ZNF430: variants seen among roughly 807,000 people sequenced by gnomAD.
The protein encoded by ZNF430 is zinc finger protein 430.
A neutral mutation model predicts 56.7 loss-of-function variants in ZNF430; 35 were observed. That is an observed-to-expected ratio of 0.62 (90% CI 0.47 to 0.82). The LOEUF (loss-of-function observed/expected upper bound fraction) is 0.82, where lower values mean the gene tolerates loss of function less well. Ranked by LOEUF, ZNF430 falls within the 40% of genes least tolerant of loss-of-function variation. ZNF430 has a pLI of 0.00. For synonymous variants in ZNF430, 212 were observed against 224.3 expected, an observed-to-expected ratio of 0.94 and a Z score of 0.49; for missense variants, 574 against 661.0, an observed-to-expected ratio of 0.87 and a Z score of 1.44.
At chr19:21,055,631 T>C (rs1335452800) in intron 4 of ZNF430, among the ~76,000 whole-genome samples, 2 of 152,096 alleles carry the variant, frequency 1.3e-5, no homozygotes, top group Non-Finnish European at 2.9e-5. Context: ...CTTTTGTTTT[T>C]TTAGTAGAGA....
At chr19:21,043,215 A>G (rs1968137520) in intron 4 of ZNF430, among the ~76,000 whole-genome samples, 2 of 152,084 alleles carry the variant, frequency 1.3e-5, no homozygotes, top group Non-Finnish European at 2.9e-5. Flanking sequence ...CCTGAATGGT[A>G]TTGCCTAGAT....
In ZNF430 at chr19:21,057,689, G is replaced by C; in HGVS notation, c.1381G>C (p.Glu461Gln). The C allele has an allele frequency of 6.2e-7, 1 of 1,608,854 alleles. No homozygotes were observed. The highest frequency in any genetic ancestry group is 8.5e-7 in the Non-Finnish European group (1 of 1,177,904). The change falls in exon 5 of 5, where the codon GAA becomes CAA. Residue 461 changes from glutamate (E) to glutamine (Q), a missense_variant. Coordinates refer to ENST00000261560, the MANE Select transcript of ZNF430 (RefSeq NM_025189.4). ...HTGEKPYKCE[E>Q]CGKAFNRSPK... ...TGGAGAGAAACCCTACAAATGTGAA[G>C]AATGTGGCAAAGCCTTTAACCGGTC...
At chr19:21,054,126 C>A (rs1331242917) in intron 4 of ZNF430, among the ~76,000 whole-genome samples, 2 of 152,062 alleles carry the variant, frequency 1.3e-5, no homozygotes, top group African/African-American at 4.8e-5. Flanking sequence ...ATAATGATTT[C>A]TATGCTTTTA....
chr19:21,037,643 G>A (rs1447485928), intron 4 of ZNF430, among the ~76,000 whole-genome samples: 2 of 152,074 alleles, frequency 1.3e-5, no homozygotes, highest in Admixed American at 6.6e-5. Context: ...TTAATTACTT[G>A]AGAAACATTT....
At chr19:21,025,172 A>C (rs1967769273) in intron 2 of ZNF430, among the ~76,000 whole-genome samples, 1 of 152,238 alleles carries the variant, frequency 6.6e-6, no homozygotes, top group Non-Finnish European at 1.5e-5. Flanking sequence ...TAGGCAGAGC[A>C]GCCCTGAGGG....
At chr19:21,040,165 G>A (rs1214484790) in intron 4 of ZNF430, among the ~76,000 whole-genome samples, 2 of 152,150 alleles carry the variant, frequency 1.3e-5, no homozygotes, top group Non-Finnish European at 2.9e-5. Flanking sequence ...CTTGTTATGT[G>A]TCCTAACAGA....
In ZNF430 at chr19:21,058,508, G is replaced by T; in HGVS notation, c.*487G>T. ...CTCTACAAACTTGAAAGATGTGACA[G>T]TGCTTTTGACAACACCTAAAACTTT... On this transcript the variant is annotated 3_prime_UTR_variant, in exon 5 of 5. Transcript: ENST00000261560. 1 of 161,442 alleles carries T rather than the reference G, an allele frequency of 6.2e-6. No individual in the cohort carries two copies. The allele number at this position is 161,442 out of a possible 1,614,324, so 10.0% of individuals were successfully genotyped here.
chr19:21,041,280 G>A (rs998220166), intron 4 of ZNF430, among the ~76,000 whole-genome samples: 2 of 151,964 alleles, frequency 1.3e-5, no homozygotes, highest in East Asian at 1.9e-4. Context: ...GTGTCGTCAC[G>A]CCCAGCTCAT....
chr19:21,028,922 G>C (rs7250059), intron 2 of ZNF430, among the ~76,000 whole-genome samples: 7,439 of 151,714 alleles, frequency 0.049, 584 homozygotes, highest in African/African-American at 0.17. Context: ...CTGACCTTGT[G>C]ATCCGCCCAC....
Position 21,057,776 on chromosome 19 carries a change from T to C in ZNF430, c.1468T>C (p.Cys490Arg). Residue 490 changes from cysteine (C) to arginine (R), a missense_variant, in exon 5 of 5, where the codon TGT becomes CGT. Around this residue, in one of 3 missense-constraint regions of ZNF430, gnomAD observed 213 missense variants for 221.0 expected, o/e 0.96. Coordinates refer to ENST00000261560, the MANE Select transcript of ZNF430 (RefSeq NM_025189.4). Reference protein sequence around the residue: ...SGEKPYKCEECGKAFNQFSNL... With the variant: ...SGEKPYKCEERGKAFNQFSNL... The stretch of plus-strand genomic sequence containing the variant: ...AGAGAAACCCTACAAATGTGAAGAA[T>C]GTGGCAAAGCTTTTAACCAATTCTC... The C allele has an allele frequency of 6.2e-7, 1 of 1,614,004 alleles. No homozygotes were observed. The highest frequency in any genetic ancestry group is 8.5e-7 in the Non-Finnish European group (1 of 1,180,008).
chr19:21,034,539 CTTTTT>C, intron 4 of ZNF430: 1 of 154,574 alleles, frequency 6.5e-6, no homozygotes, highest in Non-Finnish European at 1.4e-5. Flanking sequence ...TTTTTTCTTT[CTTTTT>C]TTTTTTTTTT....
At chr19:21,022,938 G>C (rs971958881) in intron 2 of ZNF430, 57 bp downstream of exon 2, 7 of 1,264,524 alleles carry the variant, frequency 5.5e-6, no homozygotes, top group Non-Finnish European at 4.6e-6. Flanking sequence ...ATTTCTTGGA[G>C]ACACATTGCT....
chr19:21,057,355 A>G lies in ZNF430; in HGVS notation c.1047A>G (p.Glu349=), dbSNP rs1406013093. The G allele has an allele frequency of 6.8e-6, 11 of 1,613,424 alleles. No homozygotes were observed. The highest frequency in any genetic ancestry group is 9.3e-6 in the Non-Finnish European group (11 of 1,179,984). ...HTGEKPYKCE[E]CGKAFNQSST... is the part of the protein sequence containing the mutation. ...GAGAGAAACCCTACAAATGTGAAGA[A>G]TGTGGCAAAGCTTTTAACCAATCCT... Residue 349 remains glutamate (E), a synonymous_variant, in exon 5 of 5, where the codon GAA becomes GAG. Transcript: ENST00000261560.
At position 21,022,772 on chromosome 19, in the gene ZNF430, G is replaced by A; in HGVS notation, c.4-17G>A. On this transcript the variant is annotated splice_polypyrimidine_tract_variant and intron_variant, in intron 1 of 4. Transcript: ENST00000261560. ...GTGTCTAGTGGATATCAGCTTCTGGGTTATTTTCTCCCATAGGAGAACCTG... is the reference window on the plus strand; with the variant it reads ...GTGTCTAGTGGATATCAGCTTCTGGATTATTTTCTCCCATAGGAGAACCTG... 6.4e-7 allele frequency: 1 copy of A among 1,560,522 alleles called. No individual in the cohort carries two copies. Among genetic ancestry groups the A allele is most frequent in the East Asian group, 2.2e-5 (1 of 44,624 alleles).
rs537635084 is a variant in ZNF430 at position 21,057,675 on chromosome 19, C to T, written c.1367C>T (p.Pro456Leu). The T allele has an allele frequency of 6.2e-7, 1 of 1,611,158 alleles. No homozygotes were observed. The highest frequency in any genetic ancestry group is 1.1e-5 in the South Asian group (1 of 90,478). Residue 456 changes from proline to leucine, a missense_variant, in exon 5 of 5, where the codon CCC becomes CTC. Pro to Leu is a moderately conservative substitution (Grantham distance 98). Transcript: ENST00000261560. ...AHKIIHTGEK[P>L]YKCEECGKAF... ...AAGATAATTCATACTGGAGAGAAAC[C>T]CTACAAATGTGAAGAATGTGGCAAA...
At position 21,057,253 on chromosome 19, in the gene ZNF430, A is replaced by C; in HGVS notation, c.945A>C (p.Lys315Asn). The change falls in exon 5 of 5, where the codon AAA becomes AAC. Residue 315 changes from lysine (K) to asparagine (N), a missense_variant. This residue lies in a region of ZNF430 where 346 missense variants were observed against 399.1 expected (regional missense o/e 0.87). Coordinates refer to ENST00000261560, the MANE Select transcript of ZNF430 (RefSeq NM_025189.4). The stretch of plus-strand genomic sequence containing the variant: ...ATAAAAGAATTCATACTGGAGAGAA[A>C]CCCTACAGATGTGAAGAATGTGGCA... ...TTHKRIHTGE[K>N]PYRCEECGRA... is the part of the protein sequence containing the mutation. 6.2e-7 allele frequency: 1 copy of C among 1,613,386 alleles called. No individual in the cohort carries two copies. Among genetic ancestry groups the C allele is most frequent in the South Asian group, 1.1e-5 (1 of 91,006 alleles).
intron 3 of ZNF430, 179 bp downstream of exon 3, chr19:21,033,761 CT>C: frequency 1.3e-6 from 1 of 746,990 alleles, no homozygotes; most frequent in Non-Finnish European, 2.0e-6. Context: ...TTTATCTTGA[CT>C]TAAACTTTCC....
chr19:21,058,446 GA>G lies in ZNF430; in HGVS notation c.*439del, dbSNP rs35595597. The G allele has an allele frequency of 0.061, 7,413 of 121,724 alleles. 532 individuals carry two copies. Among genetic ancestry groups the G allele is most frequent in the African/African-American group, 0.19 (6,673 of 34,286 alleles). 7.5% of individuals were successfully genotyped at this position (121,724 alleles called of 1,614,324 possible). A position where few individuals can be genotyped will look rare whatever the true frequency, so the allele number is the denominator to read the frequency against. ...GCAACAAGAGTGGCACTCCATCTCAGAAAAAAAAAAAAAAGATAATTCATAC... is the reference window on the plus strand; with the variant it reads ...GCAACAAGAGTGGCACTCCATCTCAGAAAAAAAAAAAAAGATAATTCATAC... On this transcript the variant is annotated 3_prime_UTR_variant, in exon 5 of 5. Transcript: ENST00000261560.
rs556994272 is a variant in ZNF430, at chr19:21,044,443, C to T, written c.322+10259C>T. Among the ~76,000 whole-genome samples, 127 of 152,074 alleles carry T rather than the reference C, an allele frequency of 8.4e-4. No individual in the cohort carries two copies. In the Middle Eastern group the frequency reaches 0.014, roughly 16 times the overall value. On this transcript the variant is annotated intron_variant, in intron 4 of 4. Coordinates refer to ENST00000261560, the MANE Select transcript of ZNF430 (RefSeq NM_025189.4). ...CCCAGGGATGAAGCTGACTTGATCG[C>T]GGTGGATAAGCTTTTCGATGTGCTG...
Sources: allele counts gnomAD v4.1 joint callset (sites outside exome capture counted in the v4.1 genomes callset), GRCh38; gene constraint gnomAD v4.1.1; regional missense constraint gnomAD v4.1.1; transcripts MANE v1.5; gene names NCBI Gene and HGNC (gene_info 2026-07-23, HGNC 2026-07-21).